Variants in SH3RF3 observed in about 807,000 individuals in gnomAD.
SH3RF3 encodes the protein SH3 domain containing ring finger 3.
A neutral mutation model predicts 66.3 loss-of-function variants in SH3RF3; 29 were observed. The observed-to-expected ratio is 0.44, with a 90% confidence interval of 0.33 to 0.60. SH3RF3 has a LOEUF of 0.60. Among genes scored for constraint, SH3RF3 ranks in the 20% least tolerant of loss-of-function variants. The probability of loss-of-function intolerance (pLI) is 0.04; values close to 1 mark genes in which losing one functional copy is unlikely to be tolerated. For synonymous variants in SH3RF3, 583 were observed against 532.0 expected (o/e 1.10, Z -1.32); for missense variants, 1,194 against 1,190.9 (o/e 1.00, Z -0.04).
intron 1 of SH3RF3, among the ~76,000 whole-genome samples, chr2:109,142,805 G>C (rs1676989739): frequency 6.6e-6 from 1 of 152,322 alleles, no homozygotes; most frequent in South Asian, 2.1e-4. Flanking sequence ...AGGCTTGTCG[G>C]TAAATGTGGG....
At chr2:109,139,737 A>G (rs1171470847) in intron 1 of SH3RF3, among the ~76,000 whole-genome samples, 1 of 152,238 alleles carries the variant, frequency 6.6e-6, no homozygotes, top group Non-Finnish European at 1.5e-5. Flanking sequence ...CTCACAGTGC[A>G]GAAGGGCACC....
intron 1 of SH3RF3, among the ~76,000 whole-genome samples, chr2:109,282,629 G>T (rs116003856): frequency 5.3e-5 from 8 of 152,334 alleles, no homozygotes; most frequent in African/African-American, 1.9e-4. Flanking sequence ...TCTCGCCTCC[G>T]TGGTGGGAGA....
At chr2:109,136,710 G>T (rs982246147) in intron 1 of SH3RF3, among the ~76,000 whole-genome samples, 1 of 152,114 alleles carries the variant, frequency 6.6e-6, no homozygotes, top group Middle Eastern at 3.2e-3. Context: ...AGATATGATG[G>T]TATTTGCATT....
intron 9 of SH3RF3, among the ~76,000 whole-genome samples, chr2:109,495,671 T>C (rs1679241623): frequency 6.6e-6 from 1 of 151,888 alleles, no homozygotes. Context: ...TTTGTATTTT[T>C]AGTAGAGACG....
chr2:109,130,420 C>T (rs1676663180), intron 1 of SH3RF3, among the ~76,000 whole-genome samples: 1 of 152,234 alleles, frequency 6.6e-6, no homozygotes, highest in Non-Finnish European at 1.5e-5. Context: ...GCCCTTGCGT[C>T]TCCCTAGAAA....
At chr2:109,172,652 T>C (rs779419438) in intron 1 of SH3RF3, among the ~76,000 whole-genome samples, 1 of 152,162 alleles carries the variant, frequency 6.6e-6, no homozygotes, top group Non-Finnish European at 1.5e-5. Flanking sequence ...CAGGAAGCAA[T>C]TGTTTGGGAT....
At chr2:109,491,606 T>C (rs1396603210) in intron 9 of SH3RF3, among the ~76,000 whole-genome samples, 1 of 152,160 alleles carries the variant, frequency 6.6e-6, no homozygotes, top group Non-Finnish European at 1.5e-5. Flanking sequence ...GTGCTTGGGT[T>C]TCACCTGGGG....
chr2:109,233,426 A>G (rs749907480), intron 1 of SH3RF3, among the ~76,000 whole-genome samples: 24 of 152,156 alleles, frequency 1.6e-4, no homozygotes, highest in Non-Finnish European at 3.2e-4. Flanking sequence ...ATGTTCAGAC[A>G]CTTCGTGTCT....
chr2:109,452,002 T>G (rs1448049358), intron 8 of SH3RF3, among the ~76,000 whole-genome samples: 1 of 152,236 alleles, frequency 6.6e-6, no homozygotes, highest in African/African-American at 2.4e-5. Flanking sequence ...TCCCACACAT[T>G]GTGTGTGCTT....
At chr2:109,150,580 G>A (rs1265612881) in intron 1 of SH3RF3, among the ~76,000 whole-genome samples, 3 of 152,134 alleles carry the variant, frequency 2.0e-5, no homozygotes, top group East Asian at 1.9e-4. Context: ...TTGTGCAGAC[G>A]GGGAAAGTGA....
rs555358227 is a variant in SH3RF3, at chr2:109,234,622, G to A, written c.573+104509G>A. Among the ~76,000 whole-genome samples, 164 of 152,290 alleles carry A rather than the reference G, an allele frequency of 1.1e-3. 1 individual carries two copies. The highest frequency in any genetic ancestry group is 3.8e-3 in the African/African-American group (159 of 41,558). On this transcript the variant is annotated intron_variant, in intron 1 of 9. Transcript: ENST00000309415. Reference sequence around the variant, plus strand: ...CAATAAATGTTTGTTTCTCATTCACGCTGTTAGATTATCTCAGCAGGCACA... The same window carrying A: ...CAATAAATGTTTGTTTCTCATTCACACTGTTAGATTATCTCAGCAGGCACA...
chr2:109,429,522 C>T (rs528766621), intron 5 of SH3RF3, among the ~76,000 whole-genome samples: 4 of 152,272 alleles, frequency 2.6e-5, no homozygotes, highest in South Asian at 2.1e-4. Context: ...TCTCCCTACG[C>T]GTTGGCCACA....
intron 1 of SH3RF3, among the ~76,000 whole-genome samples, chr2:109,284,664 T>C (rs1197236840): frequency 6.6e-6 from 1 of 152,210 alleles, no homozygotes; most frequent in Non-Finnish European, 1.5e-5. Flanking sequence ...ACCATGTTTT[T>C]GAGGCTTTAG....
In SH3RF3 at chr2:109,414,015, C is replaced by T. The variant is rs539728257; in HGVS notation, c.1300-5524C>T. ...CTTGGCTTCCTTGGCCATTCCACAG[C>T]ATGCAGCTCAATGGACAATGACATT... On this transcript the variant is annotated intron_variant, in intron 4 of 9. Coordinates refer to ENST00000309415, the MANE Select transcript of SH3RF3 (RefSeq NM_001099289.3). Among the ~76,000 whole-genome samples the T allele has an allele frequency of 1.3e-3, 199 of 152,370 alleles. 2 individuals are homozygous for T. The highest frequency in any genetic ancestry group is 4.5e-3 in the African/African-American group (186 of 41,596).
chr2:109,141,588 A>T (rs969661008), intron 1 of SH3RF3: 3 of 154,886 alleles, frequency 1.9e-5, no homozygotes, highest in Non-Finnish European at 2.9e-5. Context: ...AACCCACTGC[A>T]CTTTTCTCTA....
chr2:109,375,349 G>A (rs1022895193), intron 3 of SH3RF3, among the ~76,000 whole-genome samples: 1 of 152,216 alleles, frequency 6.6e-6, no homozygotes, highest in East Asian at 1.9e-4. Flanking sequence ...AGGACCCAGG[G>A]CACGTCTCCC....
At chr2:109,240,649 A>T (rs912007515) in intron 1 of SH3RF3, among the ~76,000 whole-genome samples, 1 of 152,106 alleles carries the variant, frequency 6.6e-6, no homozygotes, top group African/African-American at 2.4e-5. Context: ...CCTGCCACTG[A>T]CGGATTATTT....
chr2:109,232,306 C>T lies in SH3RF3; in HGVS notation c.573+102193C>T, dbSNP rs372090600. On this transcript the variant is annotated intron_variant, in intron 1 of 9. Coordinates refer to ENST00000309415, the MANE Select transcript of SH3RF3 (RefSeq NM_001099289.3). ...AACTGTCTTTTTGACTGTAGTCATC[C>T]TAGAAGGATCATTTTTTCAGAGTTG... Among the ~76,000 whole-genome samples, 15 of 152,114 alleles carry T rather than the reference C, an allele frequency of 9.9e-5. No individual in the cohort carries two copies. The East Asian group carries it at 1.4e-3, about 14-fold the overall frequency.
intron 1 of SH3RF3, among the ~76,000 whole-genome samples, chr2:109,267,476 G>A (rs1396932283): frequency 3.9e-5 from 6 of 152,214 alleles, no homozygotes; most frequent in Non-Finnish European, 7.3e-5. Flanking sequence ...TAAAGACAGA[G>A]TCAGTGTTGC....
Sources: gnomAD v4.1 joint callset for allele counts (sites outside exome capture counted in the v4.1 genomes callset) on GRCh38, gnomAD v4.1.1 for gene constraint, MANE v1.5 for transcripts, NCBI Gene and HGNC (gene_info 2026-07-23, HGNC 2026-07-21) for gene names.